ERP27: variants seen among roughly 807,000 people sequenced by gnomAD.
The protein encoded by ERP27 is endoplasmic reticulum protein 27.
ERP27 carries 23 observed loss-of-function variants against 27.7 expected under a neutral mutation model. The observed-to-expected ratio is 0.83, with a 90% CI of 0.60 to 1.18. The LOEUF is 1.18. ERP27 is among the 50% of genes most tolerant of loss of function. The pLI, the probability that ERP27 is intolerant of heterozygous loss-of-function variation, is 0.00. For missense variants in ERP27, 363 were observed against 327.9 expected, an observed-to-expected ratio of 1.11 and a Z score of -0.83; for synonymous variants, 159 against 118.3, an observed-to-expected ratio of 1.34 and a Z score of -2.23.
chr12:14,928,800 A>C (rs1863651215), intron 3 of ERP27: 1 of 625,556 alleles, frequency 1.6e-6, no homozygotes, highest in South Asian at 2.9e-5. Flanking sequence ...GCAAGAGAAA[A>C]GGTCTTAGGT....
chr12:14,920,627 C>T (rs184933036), intron 4 of ERP27, among the ~76,000 whole-genome samples: 1 of 152,294 alleles, frequency 6.6e-6, no homozygotes, highest in Non-Finnish European at 1.5e-5. Context: ...ATGCTTTGGC[C>T]TCCCACAGTG....
rs1451344694 is a variant in ERP27 at position 14,937,998 on chromosome 12, A to G, written c.149T>C (p.Met50Thr). The change falls in exon 2 of 7, where the codon ATG (methionine) becomes ACG (threonine). Residue 50 changes from methionine to threonine, a missense_variant. By Grantham distance (81) the Met-to-Thr change is moderately conservative. Coordinates refer to ENST00000266397, the MANE Select transcript of ERP27 (RefSeq NM_152321.4). Reference protein sequence around the residue: ...PTWLTDVPAAMEFIAATEVAV... With the variant: ...PTWLTDVPAATEFIAATEVAV... ...CACCTCAGTGGCAGCAATGAATTCC[A>G]TGGCAGCTGGGACATCTGTGAGCCA... The G allele has an allele frequency of 3.1e-6, 5 of 1,614,142 alleles. No individual in the cohort carries two copies. Among genetic ancestry groups the G allele is most frequent in the African/African-American group, 1.3e-5 (1 of 75,048 alleles).
chr12:14,929,043 A>G, intron 3 of ERP27: 1 of 1,534,836 alleles, frequency 6.5e-7, no homozygotes, highest in Non-Finnish European at 8.7e-7. Context: ...CTCGTTTAAC[A>G]TTTGATGTGT....
At chr12:14,928,354 C>T (rs1339375098) in intron 3 of ERP27, among the ~76,000 whole-genome samples, 4 of 152,160 alleles carry the variant, frequency 2.6e-5, no homozygotes, top group East Asian at 1.9e-4. Context: ...ATTGTCATCC[C>T]GGTGATGATT....
In ERP27 at chr12:14,915,534, C is replaced by A. The variant is rs748358549; in HGVS notation, c.729G>T (p.Glu243Asp). ...ATCCATCACAAAAGTTTTGCACATG[C>A]TCTACGGAAACTTCTGCTGTGGGCA... Reference protein sequence around the residue: ...DTLPTAEVSVEHVQNFCDGFL... With the variant: ...DTLPTAEVSVDHVQNFCDGFL... The change falls in exon 6 of 7, where the codon GAG (glutamate) becomes GAT (aspartate). Residue 243 changes from glutamate (E) to aspartate (D), a missense_variant. By Grantham distance (45) the Glu-to-Asp change is conservative (BLOSUM62 2). Coordinates refer to ENST00000266397, the MANE Select transcript of ERP27 (RefSeq NM_152321.4). 8 of 1,614,124 alleles carry A rather than the reference C, an allele frequency of 5.0e-6. No individual in the cohort carries two copies. Among genetic ancestry groups the A allele is most frequent in the African/African-American group, 1.3e-5 (1 of 74,948 alleles).
At position 14,933,101 on chromosome 12, in the gene ERP27, G is replaced by C. The variant is rs61603346; in HGVS notation, c.333+1755C>G. On this transcript the variant is annotated intron_variant, in intron 3 of 6. Transcript: ENST00000266397. ...TCATTCATTCATTCATTCATTCATT[G>C]ATTCTTCATATATTCATTCTAAACA... 4.7e-3 allele frequency among the ~76,000 whole-genome samples: 716 copies of C among 151,302 alleles called. 5 individuals carry two copies. Among genetic ancestry groups the C allele is most frequent in the African/African-American group, 0.016 (671 of 41,154 alleles).
chr12:14,927,487 G>A (rs1863621625), intron 3 of ERP27, among the ~76,000 whole-genome samples: 1 of 105,436 alleles, frequency 9.5e-6, no homozygotes, highest in South Asian at 3.5e-4. Context: ...GGATTCAAAG[G>A]GGATGTGAAA....
chr12:14,937,878 A>C, intron 2 of ERP27, 74 bp downstream of exon 2: 1 of 1,246,796 alleles, frequency 8.0e-7, no homozygotes, highest in Non-Finnish European at 1.2e-6. Flanking sequence ...ATCTGCCAGC[A>C]GCAGGTGGCT....
chr12:14,928,396 C>T (rs1863642077), intron 3 of ERP27, among the ~76,000 whole-genome samples: 1 of 152,194 alleles, frequency 6.6e-6, no homozygotes, highest in Admixed American at 6.5e-5. Flanking sequence ...AAGAGGGTCT[C>T]CCATTGGGGT....
At chr12:14,928,490 TC>T (rs1468039831) in intron 3 of ERP27, among the ~76,000 whole-genome samples, 1 of 152,188 alleles carries the variant, frequency 6.6e-6, no homozygotes, top group East Asian at 1.9e-4. Flanking sequence ...GTCATTCTCT[TC>T]CAATCCATTT....
At chr12:14,924,244 T>A (rs1272945938) in intron 3 of ERP27, among the ~76,000 whole-genome samples, 1 of 152,208 alleles carries the variant, frequency 6.6e-6, no homozygotes, top group African/African-American at 2.4e-5. Flanking sequence ...CCATTGTATA[T>A]ATGTACTGCA....
Position 14,934,945 on chromosome 12 carries a change from A to G in ERP27, c.244T>C (p.Phe82Leu), listed in dbSNP as rs1342161453. The change falls in exon 3 of 7, where the codon TTC becomes CTC. Residue 82 changes from phenylalanine to leucine, a missense_variant. By Grantham distance (22) the Phe-to-Leu change is conservative. Coordinates refer to ENST00000266397, the MANE Select transcript of ERP27 (RefSeq NM_152321.4). ...VPILHSMVQK[F>L]PGVSFGISTD... ...CTGATCCCAAATGACACGCCTGGGA[A>G]TTTTTGCACCATGCTATGGAGTATG... 2 of 1,614,108 alleles carry G rather than the reference A, an allele frequency of 1.2e-6. No homozygotes were observed. The highest frequency in any genetic ancestry group is 4.5e-5 in the East Asian group (2 of 44,886).
chr12:14,921,337 T>G (rs896846227), intron 3 of ERP27, among the ~76,000 whole-genome samples: 11 of 152,298 alleles, frequency 7.2e-5, no homozygotes, highest in African/African-American at 2.6e-4. Context: ...GAAAAGTGGC[T>G]AAGACTTGAT....
chr12:14,920,898 T>G (rs1863491657), intron 4 of ERP27, 34 bp downstream of exon 4: 2 of 1,554,182 alleles, frequency 1.3e-6, no homozygotes, highest in Non-Finnish European at 8.9e-7. Flanking sequence ...CGACTCAGGG[T>G]CTGAAGGGAC....
chr12:14,915,992 G>A (rs993999216), intron 5 of ERP27, among the ~76,000 whole-genome samples: 1 of 151,606 alleles, frequency 6.6e-6, no homozygotes, highest in African/African-American at 2.4e-5. Context: ...CACAAAGAAG[G>A]GAACAACAGA....
chr12:14,914,675 G>T lies in ERP27; in HGVS notation c.*60C>A. 1.3e-6 allele frequency: 2 copies of T among 1,502,072 alleles called. No homozygotes were observed. The highest frequency in any genetic ancestry group is 1.8e-6 in the Non-Finnish European group (2 of 1,087,644). The allele number at this position is 1,502,072 out of a possible 1,614,324, so 93.0% of individuals were successfully genotyped here. On this transcript the variant is annotated 3_prime_UTR_variant, in exon 7 of 7. Transcript: ENST00000266397. The stretch of plus-strand genomic sequence containing the variant: ...GTTGTTTAGTGTCTCTGAGATTTGA[G>T]TTGTGCCTTTTTACTTTGCATAAAG...
At position 14,928,918 on chromosome 12, in the gene ERP27, C is replaced by T. The variant is rs754623269; in HGVS notation, c.333+5938G>A. 1.8e-5 allele frequency: 28 copies of T among 1,531,586 alleles called. No homozygotes were observed. The South Asian group carries it at 3.2e-4, about 18-fold the overall frequency. 94.9% of individuals were successfully genotyped at this position (1,531,586 alleles called of 1,614,324 possible). On this transcript the variant is annotated intron_variant, in intron 3 of 6. Transcript: ENST00000266397. ...CACAAAAAAATAATATTTGCAGCTC[C>T]TCTAGATACTTAATGCTGCTACCGA...
At chr12:14,925,894 C>T (rs1863594082) in intron 3 of ERP27, among the ~76,000 whole-genome samples, 1 of 151,954 alleles carries the variant, frequency 6.6e-6, no homozygotes, top group Admixed American at 6.6e-5. Flanking sequence ...ATGATGAAAG[C>T]CCATCTCTAC....
intron 4 of ERP27, among the ~76,000 whole-genome samples, chr12:14,919,198 T>C (rs577665510): frequency 6.6e-6 from 1 of 152,294 alleles, no homozygotes; most frequent in African/African-American, 2.4e-5. Flanking sequence ...GAGAAAAATA[T>C]TACTTTCAGG....
Sources: allele counts gnomAD v4.1 joint callset (sites outside exome capture counted in the v4.1 genomes callset), GRCh38; gene constraint gnomAD v4.1.1; transcripts MANE v1.5; gene names NCBI Gene and HGNC (gene_info 2026-07-23, HGNC 2026-07-21).